Variants in ZNF521 observed in about 807,000 individuals in gnomAD.
The protein encoded by ZNF521 is LYST-interacting protein 3.
In ZNF521, 14 loss-of-function variants were observed where a neutral mutation model predicts 105.5. The observed-to-expected ratio is 0.13, with a 90% CI of 0.09 to 0.21. The LOEUF (loss-of-function observed/expected upper bound fraction) is 0.21. Among genes scored for constraint, ZNF521 ranks in the 10% least tolerant of loss-of-function variants. ZNF521 has a pLI of 1.00. For missense variants in ZNF521, 1,233 were observed against 1,629.7 expected (o/e 0.76, Z 4.19); for synonymous variants, 635 against 606.0 (o/e 1.05, Z -0.70).
intron 5 of ZNF521, among the ~76,000 whole-genome samples, chr18:25,134,753 C>T (rs1055637870): frequency 6.6e-6 from 1 of 152,072 alleles, no homozygotes; most frequent in African/African-American, 2.4e-5. Context: ...GGCCACGCCC[C>T]AAGGGATCCA....
At chr18:25,275,282 T>G (rs1025358446) in intron 3 of ZNF521, among the ~76,000 whole-genome samples, 4 of 152,182 alleles carry the variant, frequency 2.6e-5, no homozygotes, top group Non-Finnish European at 2.9e-5. Context: ...ATACAACTTA[T>G]GGCGCAAAAA....
intron 5 of ZNF521, among the ~76,000 whole-genome samples, chr18:25,100,109 ATCT>A (rs1251472295): frequency 1.2e-3 from 171 of 144,042 alleles, no homozygotes; most frequent in African/African-American, 3.8e-3. Context: ...TTTTTTTTTA[ATCT>A]TCTTCTTCTT....
At chr18:25,248,463 T>A (rs1228803664) in intron 3 of ZNF521, among the ~76,000 whole-genome samples, 1 of 152,230 alleles carries the variant, frequency 6.6e-6, no homozygotes, top group African/African-American at 2.4e-5. Flanking sequence ...GCAGTGGCAG[T>A]CTTAAAACGT....
chr18:25,225,378 G>C lies in ZNF521; in HGVS notation c.2540C>G (p.Ala847Gly). ...TKTPNCGTNGASEQVQKEEVE... is the reference protein window; with the variant it reads ...TKTPNCGTNGGSEQVQKEEVE... ...TTCCTCTTTCTGCACTTGCTCGGAA[G>C]CTCCATTTGTTCCACAGTTGGGTGT... Residue 847 changes from alanine to glycine, a missense_variant, in exon 4 of 8, where the codon GCT becomes GGT. This residue lies in a region of ZNF521 where 614 missense variants were observed against 751.5 expected (regional missense o/e 0.82). Coordinates refer to ENST00000361524, the MANE Select transcript of ZNF521 (RefSeq NM_015461.3). The surrounding 1 kb of genome is among the most constrained non-coding windows in gnomAD (Gnocchi z 5.6). The C allele has an allele frequency of 6.2e-7, 1 of 1,614,188 alleles. No individual in the cohort carries two copies. The highest frequency in any genetic ancestry group is 2.2e-5 in the East Asian group (1 of 44,882).
Position 25,339,450 on chromosome 18 carries a change from A to G in ZNF521, c.40+11457T>C, listed in dbSNP as rs150790658. Reference sequence around the variant, plus strand: ...ATCGCTGTTAAATAGTCTCATTAACATCGGTGCTGTCCCTTCACAGGAATG... The same window carrying G: ...ATCGCTGTTAAATAGTCTCATTAACGTCGGTGCTGTCCCTTCACAGGAATG... On this transcript the variant is annotated intron_variant, in intron 2 of 7. Coordinates refer to ENST00000361524, the MANE Select transcript of ZNF521 (RefSeq NM_015461.3). Among the ~76,000 whole-genome samples the G allele has an allele frequency of 4.4e-3, 674 of 152,338 alleles. 6 individuals are homozygous for G. The highest frequency in any genetic ancestry group is 0.016 in the African/African-American group (654 of 41,590).
chr18:25,087,445 A>G (rs564814230), intron 7 of ZNF521, among the ~76,000 whole-genome samples: 76 of 152,322 alleles, frequency 5.0e-4, no homozygotes, highest in African/African-American at 1.8e-3. Flanking sequence ...GAATCTACTA[A>G]TACAGTACAA....
chr18:25,220,923 A>G (rs1905681375), intron 4 of ZNF521, among the ~76,000 whole-genome samples: 1 of 152,210 alleles, frequency 6.6e-6, no homozygotes, highest in African/African-American at 2.4e-5. Context: ...CGTATAGTAA[A>G]TGTCAATAAC....
At chr18:25,311,287 T>C (rs1912290148) in intron 3 of ZNF521, among the ~76,000 whole-genome samples, 1 of 151,846 alleles carries the variant, frequency 6.6e-6, no homozygotes, top group Non-Finnish European at 1.5e-5. Flanking sequence ...TTTTAACAGC[T>C]TTTTTAGTAA....
intron 5 of ZNF521, among the ~76,000 whole-genome samples, chr18:25,193,017 C>T (rs1435106500): frequency 6.6e-6 from 1 of 151,764 alleles, no homozygotes; most frequent in South Asian, 2.1e-4. Flanking sequence ...ATAACTAGAC[C>T]CTCTGTGAAA....
At chr18:25,258,893 T>A (rs1387624274) in intron 3 of ZNF521, among the ~76,000 whole-genome samples, 1 of 152,160 alleles carries the variant, frequency 6.6e-6, no homozygotes, top group Admixed American at 6.6e-5. Context: ...TAAAATATTA[T>A]AATAAAAATA....
chr18:25,171,469 G>T (rs893829585), intron 5 of ZNF521, among the ~76,000 whole-genome samples: 3 of 152,156 alleles, frequency 2.0e-5, no homozygotes, highest in Admixed American at 2.0e-4. Context: ...ATGATCGTTA[G>T]TCTTAAAACG....
chr18:25,145,585 T>G (rs900748982), intron 5 of ZNF521, among the ~76,000 whole-genome samples: 1 of 152,188 alleles, frequency 6.6e-6, no homozygotes, highest in African/African-American at 2.4e-5. Flanking sequence ...GACTTAAGCT[T>G]GGGTCTGTCA....
chr18:25,248,037 A>T (rs1239445120), intron 3 of ZNF521, among the ~76,000 whole-genome samples: 2 of 152,194 alleles, frequency 1.3e-5, no homozygotes, highest in African/African-American at 4.8e-5. Context: ...TTGCAAGAAG[A>T]CTATTAGGAT....
At chr18:25,276,274 T>G (rs1271167893) in intron 3 of ZNF521, among the ~76,000 whole-genome samples, 2 of 151,580 alleles carry the variant, frequency 1.3e-5, no homozygotes, top group Non-Finnish European at 2.9e-5. Context: ...ACCCTGCAGA[T>G]AGAAAAATGT....
chr18:25,136,004 CAA>C (rs1359539504), intron 5 of ZNF521, among the ~76,000 whole-genome samples: 1 of 151,964 alleles, frequency 6.6e-6, no homozygotes, highest in Non-Finnish European at 1.5e-5. Flanking sequence ...TGCTACTCAA[CAA>C]AAAAATCAGA....
chr18:25,151,889 T>C (rs1197720070), intron 5 of ZNF521, among the ~76,000 whole-genome samples: 3 of 152,212 alleles, frequency 2.0e-5, no homozygotes, highest in Non-Finnish European at 4.4e-5. Context: ...GAATGACTTC[T>C]ATGAACAAAA....
In ZNF521 at chr18:25,313,200, C is replaced by T. The variant is rs190089417; in HGVS notation, c.220+8808G>A. 3.9e-3 allele frequency among the ~76,000 whole-genome samples: 588 copies of T among 152,284 alleles called. 5 individuals carry two copies. The highest frequency in any genetic ancestry group is 0.014 in the Middle Eastern group (4 of 294). On this transcript the variant is annotated intron_variant, in intron 3 of 7. Coordinates refer to ENST00000361524, the MANE Select transcript of ZNF521 (RefSeq NM_015461.3). ...CTGGGTGGGCTGGCTTCTCCAGCCCCTTTTATCCCATCTCATACTAATGCA... is the reference window on the plus strand; with the variant it reads ...CTGGGTGGGCTGGCTTCTCCAGCCCTTTTTATCCCATCTCATACTAATGCA...
intron 4 of ZNF521, among the ~76,000 whole-genome samples, chr18:25,207,005 G>T (rs1294546249): frequency 6.6e-6 from 1 of 152,018 alleles, no homozygotes; most frequent in Admixed American, 6.6e-5. Context: ...TTAACCCCTT[G>T]ATTTAACTAA....
intron 3 of ZNF521, among the ~76,000 whole-genome samples, chr18:25,294,733 T>C (rs1366043111): frequency 1.3e-5 from 2 of 151,562 alleles, no homozygotes; most frequent in African/African-American, 2.4e-5. Flanking sequence ...CCCATGCTTG[T>C]AATCCCAGCT....
Sources: gnomAD v4.1 joint callset for allele counts (sites outside exome capture counted in the v4.1 genomes callset) on GRCh38, gnomAD v4.1.1 for gene constraint, gnomAD v4.1.1 regional missense constraint, Gnocchi (gnomAD v3.1) non-coding constraint, MANE v1.5 for transcripts, NCBI Gene and HGNC (gene_info 2026-07-23, HGNC 2026-07-21) for gene names.